The following FAM163A variants were observed in gnomAD, a reference collection of about 807,000 sequenced individuals.
FAM163A encodes the protein protein FAM163A.
In FAM163A, 7 loss-of-function variants were observed where a neutral mutation model predicts 12.0. The ratio of observed to expected loss-of-function variants is 0.58; its 90% CI spans 0.33 to 1.10. The LOEUF (loss-of-function observed/expected upper bound fraction) is 1.10. FAM163A is among the 50% of genes least tolerant of loss of function. The pLI is 0.03. For synonymous variants in FAM163A, 101 were observed against 91.0 expected (o/e 1.11, Z -0.62); for missense variants, 202 against 218.6 (o/e 0.92, Z 0.48).
At chr1:179,807,496 C>A (rs935702368) in intron 1 of FAM163A, among the ~76,000 whole-genome samples, 3 of 152,220 alleles carry the variant, frequency 2.0e-5, no homozygotes, top group Non-Finnish European at 2.9e-5. Flanking sequence ...CCCTGCCCCA[C>A]TCGCCGTCAC....
chr1:179,807,302 G>C (rs748777296), intron 1 of FAM163A, among the ~76,000 whole-genome samples: 1 of 152,148 alleles, frequency 6.6e-6, no homozygotes, highest in Non-Finnish European at 1.5e-5. Flanking sequence ...TAGAAGTCAG[G>C]ATATTGGAGT....
intron 1 of FAM163A, among the ~76,000 whole-genome samples, chr1:179,794,267 G>A (rs1425653896): frequency 6.6e-6 from 1 of 152,216 alleles, no homozygotes; most frequent in East Asian, 1.9e-4. Flanking sequence ...TTAGAGCATT[G>A]GGCAGCAGTT....
At chr1:179,772,894 A>G (rs1688465971) in intron 1 of FAM163A, among the ~76,000 whole-genome samples, 1 of 151,200 alleles carries the variant, frequency 6.6e-6, no homozygotes, top group Non-Finnish European at 1.5e-5. Flanking sequence ...CCTAATACAG[A>G]CCAGGAGAAA....
the FAM163A span, among the ~76,000 whole-genome samples, chr1:179,737,759 T>C: frequency 1.3e-5 from 2 of 150,972 alleles, no homozygotes; most frequent in African/African-American, 4.9e-5. Context: ...GGCATGAACC[T>C]GGGAGGCAGA....
At chr1:179,765,726 C>T (rs965291848) in intron 1 of FAM163A, among the ~76,000 whole-genome samples, 3 of 127,376 alleles carry the variant, frequency 2.4e-5, no homozygotes, top group Non-Finnish European at 4.7e-5. Context: ...AGAGCTGGTT[C>T]GAGACTATTG....
In FAM163A at chr1:179,815,830, G is replaced by A. The variant is rs1228969346; in HGVS notation, c.*1641G>A. The A allele has an allele frequency of 6.6e-6, 1 of 152,274 alleles. No homozygotes were observed. The highest frequency in any genetic ancestry group is 2.4e-5 in the African/African-American group (1 of 41,408). 9.4% of individuals were successfully genotyped at this position (152,274 alleles called of 1,614,324 possible). A position where few individuals can be genotyped will look rare whatever the true frequency, so the allele number is the denominator to read the frequency against. ...AGGGAGCGGGGAGGGAGGAAGAGGG[G>A]AATGCACATCTTTTGCGCCACTATT... is the stretch of plus-strand genomic sequence containing the variant. On this transcript the variant is annotated 3_prime_UTR_variant, in exon 5 of 5. Coordinates refer to ENST00000341785, the MANE Select transcript of FAM163A (RefSeq NM_173509.3).
chr1:179,810,049 A>C (rs1012934734), intron 2 of FAM163A, among the ~76,000 whole-genome samples: 4 of 152,164 alleles, frequency 2.6e-5, no homozygotes, highest in African/African-American at 9.7e-5. Context: ...GGGCTGTGAC[A>C]AGCTAAACAG....
chr1:179,812,916 C>T (rs947915513), intron 3 of FAM163A, among the ~76,000 whole-genome samples, 160 bp from the exon 4 acceptor site: 1 of 152,200 alleles, frequency 6.6e-6, no homozygotes, highest in African/African-American at 2.4e-5. Context: ...GAGCCACAGT[C>T]GTCCTCAGCC....
At chr1:179,736,514 A>C in the FAM163A span, among the ~76,000 whole-genome samples, 1 of 152,178 alleles carries the variant, frequency 6.6e-6, no homozygotes, top group Non-Finnish European at 1.5e-5. Context: ...CTGTTCTCAA[A>C]AAGTCAAAAG....
chr1:179,733,427 G>T, the FAM163A span, among the ~76,000 whole-genome samples: 102 of 152,298 alleles, frequency 6.7e-4, 1 homozygote, highest in Non-Finnish European at 1.3e-3. Context: ...CTCAAGAGAG[G>T]ATAGATGCTT....
At position 179,778,491 on chromosome 1, in the gene FAM163A, G is replaced by C. The variant is rs546646119; in HGVS notation, c.-135-29307G>C. Among the ~76,000 whole-genome samples the C allele has an allele frequency of 3.3e-5, 5 of 152,334 alleles. No individual in the cohort carries two copies. The East Asian group carries it at 9.7e-4, about 29-fold the overall frequency. On this transcript the variant is annotated intron_variant, in intron 1 of 4. Coordinates refer to ENST00000341785, the MANE Select transcript of FAM163A (RefSeq NM_173509.3). ...GAACATGTGCTTATGTGAGTCTGCAGTTCATGCAAAGGAGTGGAGTAGAGC... is the reference window on the plus strand; with the variant it reads ...GAACATGTGCTTATGTGAGTCTGCACTTCATGCAAAGGAGTGGAGTAGAGC...
chr1:179,771,751 A>G (rs193134894), intron 1 of FAM163A, among the ~76,000 whole-genome samples: 464 of 151,822 alleles, frequency 3.1e-3, no homozygotes, highest in Non-Finnish European at 5.6e-3. Flanking sequence ...TGTTACTGAC[A>G]TCAGTCTTGC....
chr1:179,758,439 G>T (rs1159125075), intron 1 of FAM163A, among the ~76,000 whole-genome samples: 1 of 152,134 alleles, frequency 6.6e-6, no homozygotes, highest in African/African-American at 2.4e-5. Flanking sequence ...AGAAAAAAAG[G>T]GTGAACGCCC....
At chr1:179,789,193 C>G (rs199954035) in intron 1 of FAM163A, among the ~76,000 whole-genome samples, 1 of 148,846 alleles carries the variant, frequency 6.7e-6, no homozygotes, top group East Asian at 1.9e-4. Context: ...ATTTTTTTTT[C>G]TTTTTTGAGA....
At chr1:179,793,778 C>G (rs1691864952) in intron 1 of FAM163A, among the ~76,000 whole-genome samples, 5 of 152,242 alleles carry the variant, frequency 3.3e-5, no homozygotes. Context: ...GCCACAGGAT[C>G]TGGAGGCCCC....
intron 1 of FAM163A, among the ~76,000 whole-genome samples, chr1:179,781,043 A>G (rs1408195276): frequency 6.6e-6 from 1 of 152,178 alleles, no homozygotes; most frequent in Admixed American, 6.5e-5. Context: ...CAGTTATGAA[A>G]ACCGTAGAGA....
chr1:179,796,033 C>A (rs571993733), intron 1 of FAM163A, among the ~76,000 whole-genome samples: 29 of 147,882 alleles, frequency 2.0e-4, no homozygotes, highest in African/African-American at 6.4e-4. Context: ...CCTTTCTATT[C>A]ATCATCTTAT....
chr1:179,763,335 A>G (rs1039871732), intron 1 of FAM163A, among the ~76,000 whole-genome samples: 1 of 152,202 alleles, frequency 6.6e-6, no homozygotes, highest in African/African-American at 2.4e-5. Flanking sequence ...GTTTCTCAAA[A>G]TAATCAGCTC....
chr1:179,769,990 C>T (rs1688057541), intron 1 of FAM163A, among the ~76,000 whole-genome samples: 1 of 147,108 alleles, frequency 6.8e-6, no homozygotes, highest in Non-Finnish European at 1.5e-5. Context: ...ACTGCAAGCT[C>T]CGCCTCCCAG....
Sources: gnomAD v4.1 joint callset for allele counts (sites outside exome capture counted in the v4.1 genomes callset) on GRCh38, gnomAD v4.1.1 for gene constraint, MANE v1.5 for transcripts, NCBI Gene and HGNC (gene_info 2026-07-23, HGNC 2026-07-21) for gene names.